MAP7D1: variants seen among roughly 807,000 people sequenced by gnomAD.
MAP7D1 encodes the protein MAP7 domain-containing protein 1.
A neutral mutation model predicts 97.5 loss-of-function variants in MAP7D1; 30 were observed. The ratio of observed to expected loss-of-function variants is 0.31; its 90% CI spans 0.23 to 0.42. The LOEUF is 0.42. MAP7D1 is among the 10% of genes least tolerant of loss of function. The pLI, the probability that MAP7D1 is intolerant of heterozygous loss-of-function variation, is 1.00. For synonymous variants in MAP7D1, 536 were observed against 477.1 expected (o/e 1.12, Z -1.61); for missense variants, 1,184 against 1,179.5 (o/e 1.00, Z -0.06).
chr1:36,180,410 A>G lies in MAP7D1; in HGVS notation c.*152A>G. 3.9e-6 allele frequency: 4 copies of G among 1,031,826 alleles called. No individual in the cohort carries two copies. The highest frequency in any genetic ancestry group is 6.0e-6 in the Non-Finnish European group (4 of 666,728). The allele number at this position is 1,031,826 out of a possible 1,614,324, so 63.9% of individuals were successfully genotyped here. On this transcript the variant is annotated 3_prime_UTR_variant, in exon 17 of 17. Coordinates refer to ENST00000474796, the MANE Select transcript of MAP7D1 (RefSeq NM_001388490.1). ...GTTGTTTTTAATCTGCACCTTATAG[A>G]CTGATGTCTCTTTGGCCGGAGCCAG...
chr1:36,160,649 G>C (rs992470102), intron 1 of MAP7D1, among the ~76,000 whole-genome samples: 1 of 152,238 alleles, frequency 6.6e-6, no homozygotes, highest in Non-Finnish European at 1.5e-5. Flanking sequence ...ACTCAAATCT[G>C]TCTGACTCTG....
chr1:36,166,389 CTT>C (rs536815195), intron 1 of MAP7D1, among the ~76,000 whole-genome samples: 20 of 132,204 alleles, frequency 1.5e-4, no homozygotes, highest in African/African-American at 2.5e-4. Flanking sequence ...GTGATCTGAC[CTT>C]TTTTTTTTTT....
intron 1 of MAP7D1, among the ~76,000 whole-genome samples, chr1:36,163,817 C>CT (rs869169250): frequency 0.029 from 2,521 of 86,854 alleles, 287 homozygotes; most frequent in East Asian, 0.16. Flanking sequence ...TACTTTTTTT[C>CT]TTTTTTTTTT....
intron 13 of MAP7D1, 95 bp downstream of exon 13, chr1:36,179,410 G>A: frequency 6.3e-7 from 1 of 1,580,354 alleles, no homozygotes; most frequent in South Asian, 1.1e-5. Flanking sequence ...GAGCGAGGCT[G>A]TCAGGGAGGC....
In MAP7D1 at chr1:36,156,355, C is replaced by G; in HGVS notation, c.-63C>G. The G allele has an allele frequency of 1.4e-6, 2 of 1,418,032 alleles. No individual in the cohort carries two copies. The highest frequency in any genetic ancestry group is 2.4e-5 in the Admixed American group (1 of 42,394). The allele number at this position is 1,418,032 out of a possible 1,614,324, so 87.8% of individuals were successfully genotyped here. ...CGTGATGCGCCGCGGGACCCCTGTC[C>G]TGGCCACTGGCCGCCGCCGCCGCCG... On this transcript the variant is annotated 5_prime_UTR_variant, in exon 1 of 17. Transcript: ENST00000474796.
intron 1 of MAP7D1, among the ~76,000 whole-genome samples, chr1:36,163,874 C>G (rs1644443940): frequency 8.1e-6 from 1 of 123,350 alleles, no homozygotes; most frequent in South Asian, 2.5e-4. Context: ...GTCGCCCAGG[C>G]TGGAGTGCAG....
At chr1:36,161,185 G>C (rs1361695900) in intron 1 of MAP7D1, among the ~76,000 whole-genome samples, 1 of 152,246 alleles carries the variant, frequency 6.6e-6, no homozygotes, top group Non-Finnish European at 1.5e-5. Context: ...CCTGGTCCCA[G>C]TGCCCCACTG....
At position 36,177,606 on chromosome 1, in the gene MAP7D1, G is replaced by A. The variant is rs1312217015; in HGVS notation, c.1380-267G>A. ...CTCAGGGTGCTGAGGACACGTTGCT[G>A]AGCTAACCCAAGCATGGTTTTTTCT... On this transcript the variant is annotated intron_variant, in intron 8 of 16. Coordinates refer to ENST00000474796, the MANE Select transcript of MAP7D1 (RefSeq NM_001388490.1). 4.3e-6 allele frequency: 3 copies of A among 703,750 alleles called. No individual in the cohort carries two copies. In the Admixed American group the frequency reaches 6.3e-5, roughly 15 times the overall value. 43.6% of individuals were successfully genotyped at this position (703,750 alleles called of 1,614,324 possible).
At position 36,176,096 on chromosome 1, in the gene MAP7D1, G is replaced by A; in HGVS notation, c.851-103G>A. ...TGGGGAGAGGACTCCCGGGTGAGAA[G>A]CCTTGGCCTTGGCATGGGGATGGTG... On this transcript the variant is annotated intron_variant, in intron 6 of 16. Coordinates refer to ENST00000474796, the MANE Select transcript of MAP7D1 (RefSeq NM_001388490.1). The surrounding 1 kb of genome is among the most constrained non-coding windows in gnomAD (Gnocchi z 6.1). 2 of 1,334,418 alleles carry A rather than the reference G, an allele frequency of 1.5e-6. No individual in the cohort carries two copies. The highest frequency in any genetic ancestry group is 2.0e-6 in the Non-Finnish European group (2 of 981,948). 82.7% of individuals were successfully genotyped at this position (1,334,418 alleles called of 1,614,324 possible). A position where few individuals can be genotyped will look rare whatever the true frequency, so the allele number is the denominator to read the frequency against.
chr1:36,177,469 A>G (rs1393519601), intron 8 of MAP7D1: 1 of 454,178 alleles, frequency 2.2e-6, no homozygotes, highest in Non-Finnish European at 4.4e-6. Context: ...GTAGTGAGCT[A>G]TGTATGATGA....
intron 1 of MAP7D1, among the ~76,000 whole-genome samples, chr1:36,166,909 G>C (rs1231009326): frequency 6.6e-6 from 1 of 152,188 alleles, no homozygotes; most frequent in East Asian, 1.9e-4. Flanking sequence ...TGATGTAGTT[G>C]TCATTAACTG....
Position 36,180,336 on chromosome 1 carries a change from A to G in MAP7D1, c.*78A>G. On this transcript the variant is annotated 3_prime_UTR_variant, in exon 17 of 17. Transcript: ENST00000474796. ...ACCAGGATGTCTGGAGGAGAAAAAGACAGAACAAAGATGGAAGTGGCCTGG... is the reference window on the plus strand; with the variant it reads ...ACCAGGATGTCTGGAGGAGAAAAAGGCAGAACAAAGATGGAAGTGGCCTGG... The G allele has an allele frequency of 6.2e-7, 1 of 1,605,060 alleles. No individual in the cohort carries two copies.
At chr1:36,160,275 A>C (rs1367497594) in intron 1 of MAP7D1, among the ~76,000 whole-genome samples, 1 of 152,168 alleles carries the variant, frequency 6.6e-6, no homozygotes, top group Non-Finnish European at 1.5e-5. Flanking sequence ...TTCCTCCACC[A>C]CTTCTCAGCT....
chr1:36,175,075 C>A, intron 6 of MAP7D1, 67 bp downstream of exon 6: 2 of 1,059,368 alleles, frequency 1.9e-6, no homozygotes, highest in Non-Finnish European at 2.9e-6. Context: ...TCCTCCAGAG[C>A]TCAGCAAGAA....
At position 36,160,063 on chromosome 1, in the gene MAP7D1, T is replaced by C. The variant is rs532406423; in HGVS notation, c.46+3600T>C. ...ACTGAAAGCTGGGCCCAGACTAGAATGGCCATACTTGAGGGCCATCAGGTC... is the reference window on the plus strand; with the variant it reads ...ACTGAAAGCTGGGCCCAGACTAGAACGGCCATACTTGAGGGCCATCAGGTC... On this transcript the variant is annotated intron_variant, in intron 1 of 16. Coordinates refer to ENST00000474796, the MANE Select transcript of MAP7D1 (RefSeq NM_001388490.1). Among the ~76,000 whole-genome samples the C allele has an allele frequency of 2.0e-5, 3 of 152,304 alleles. No individual in the cohort carries two copies. The South Asian group carries it at 6.2e-4, about 32-fold the overall frequency.
chr1:36,156,190 C>T lies in MAP7D1; in HGVS notation c.-228C>T, dbSNP rs1005375983. ...GCCGAGGCCGGGACTGGGCCGGCGC[C>T]GGGCGGGGAACGGGTTCGCGACCGC... is the stretch of plus-strand genomic sequence containing the variant. On this transcript the variant is annotated 5_prime_UTR_variant, in exon 1 of 17. Coordinates refer to ENST00000474796, the MANE Select transcript of MAP7D1 (RefSeq NM_001388490.1). 8 of 422,916 alleles carry T rather than the reference C, an allele frequency of 1.9e-5. No homozygotes were observed. The highest frequency in any genetic ancestry group is 3.3e-5 in the Non-Finnish European group (8 of 241,900). 26.2% of individuals were successfully genotyped at this position (422,916 alleles called of 1,614,324 possible).
chr1:36,173,673 G>C (rs150260657), intron 5 of MAP7D1, among the ~76,000 whole-genome samples, 195 bp downstream of exon 5: 1 of 152,180 alleles, frequency 6.6e-6, no homozygotes, highest in Admixed American at 6.5e-5. Context: ...AATCAGAGAT[G>C]GATTCTCTCC....
In MAP7D1 at chr1:36,176,003, T is replaced by A. The variant is rs190944108; in HGVS notation, c.851-196T>A. Among the ~76,000 whole-genome samples the A allele has an allele frequency of 3.0e-3, 456 of 152,190 alleles. 2 individuals are homozygous for A. The highest frequency in any genetic ancestry group is 0.01 in the African/African-American group (433 of 41,530). On this transcript the variant is annotated intron_variant, in intron 6 of 16. Transcript: ENST00000474796. This position sits in a 1 kb window ranked among gnomAD's most constrained non-coding sequence, Gnocchi z 6.1. ...ATGCAGGATGTTGCCCTGGGAAGTGTCTGGTTGCCTGGGTCTGTAGTGGAA... is the reference window on the plus strand; with the variant it reads ...ATGCAGGATGTTGCCCTGGGAAGTGACTGGTTGCCTGGGTCTGTAGTGGAA...
At chr1:36,166,751 A>G (rs931053349) in intron 1 of MAP7D1, among the ~76,000 whole-genome samples, 1 of 152,242 alleles carries the variant, frequency 6.6e-6, no homozygotes, top group Admixed American at 6.5e-5. Flanking sequence ...CCCAGGGGGA[A>G]CAAAGACTGG....
Sources: gnomAD v4.1 joint callset for allele counts (sites outside exome capture counted in the v4.1 genomes callset) on GRCh38, gnomAD v4.1.1 for gene constraint, Gnocchi (gnomAD v3.1) non-coding constraint, MANE v1.5 for transcripts, NCBI Gene and HGNC (gene_info 2026-07-23, HGNC 2026-07-21) for gene names.